DNAH14: variants seen among roughly 807,000 people sequenced by gnomAD.
The protein encoded by DNAH14 is dynein axonemal heavy chain 14.
DNAH14 carries 478 observed loss-of-function variants against 520.9 expected under a neutral mutation model. The ratio of observed to expected loss-of-function variants is 0.92; its 90% CI spans 0.85 to 0.99. The LOEUF is 0.99. Among genes scored for constraint, DNAH14 ranks in the 50% least tolerant of loss-of-function variants. The probability of loss-of-function intolerance (pLI) is 0.00; values close to 1 mark genes in which losing one functional copy is unlikely to be tolerated. For synonymous variants in DNAH14, 1,581 were observed against 1,757.2 expected, an observed-to-expected ratio of 0.90 and a Z score of 2.51; for missense variants, 4,831 against 5,234.5, an observed-to-expected ratio of 0.92 and a Z score of 2.38.
At chr1:225,180,991 T>A (rs2083923322) in intron 36 of DNAH14, among the ~76,000 whole-genome samples, 1 of 152,164 alleles carries the variant, frequency 6.6e-6, no homozygotes, top group Non-Finnish European at 1.5e-5. Context: ...CCTCCCTCCT[T>A]CTGGAGTCCC....
intron 43 of DNAH14, among the ~76,000 whole-genome samples, chr1:225,251,606 G>C (rs1353963523): frequency 2.6e-5 from 4 of 152,060 alleles, no homozygotes; most frequent in Non-Finnish European, 5.9e-5. Flanking sequence ...TTGCTCTGAA[G>C]AACTTACCAT....
Position 225,340,679 on chromosome 1 carries a change from A to G in DNAH14, c.10656A>G (p.Leu3552=). The part of the protein sequence containing the change: ...ITLEELEEKT[L]NLLQKALGSI... ...TTGAAGAACTAGAGGAAAAAACATT[A>G]AATTTACTGCAGAAAGCACTAGGTA... Residue 3552 remains leucine, a synonymous_variant, in exon 69 of 86, where the codon TTA becomes TTG. Transcript: ENST00000682510. 3.9e-6 allele frequency: 6 copies of G among 1,551,360 alleles called. No individual in the cohort carries two copies. The highest frequency in any genetic ancestry group is 5.2e-6 in the Non-Finnish European group (6 of 1,146,832).
chr1:224,985,531 A>G (rs191437761), intron 8 of DNAH14, among the ~76,000 whole-genome samples: 7 of 151,936 alleles, frequency 4.6e-5, no homozygotes, highest in African/African-American at 9.7e-5. Context: ...TGCTCAGGCA[A>G]TGGGTGCACC....
At chr1:225,256,528 T>C (rs1157642978) in intron 44 of DNAH14, among the ~76,000 whole-genome samples, 1 of 151,876 alleles carries the variant, frequency 6.6e-6, no homozygotes, top group Non-Finnish European at 1.5e-5. Flanking sequence ...TATGCAAAAA[T>C]CAATATGAAG....
intron 74 of DNAH14, among the ~76,000 whole-genome samples, chr1:225,359,452 T>C (rs2095469338): frequency 6.6e-6 from 1 of 152,146 alleles, no homozygotes; most frequent in Non-Finnish European, 1.5e-5. Flanking sequence ...AAATGCTTTT[T>C]TTTGTTTTTC....
intron 17 of DNAH14, among the ~76,000 whole-genome samples, chr1:225,061,592 C>T (rs1018813741): frequency 2.0e-5 from 3 of 152,218 alleles, no homozygotes; most frequent in Middle Eastern, 3.2e-3. Flanking sequence ...AATCACCCAT[C>T]TTCTGCGTCG....
chr1:225,341,905 C>T lies in DNAH14; in HGVS notation c.10678+1204C>T, dbSNP rs190447262. ...CTGGAACTTGAAGGTTTCTCAAACA[C>T]TTTAGTCCTCAAGAGTATGTATAGA... is the stretch of plus-strand genomic sequence containing the variant. On this transcript the variant is annotated intron_variant, in intron 69 of 85. Coordinates refer to ENST00000682510, the MANE Select transcript of DNAH14 (RefSeq NM_001367479.1). 3.5e-3 allele frequency among the ~76,000 whole-genome samples: 538 copies of T among 152,272 alleles called. 3 individuals are homozygous for T. Among genetic ancestry groups the T allele is most frequent in the African/African-American group, 0.013 (526 of 41,538 alleles).
At chr1:225,115,574 A>G (rs2076807941) in intron 23 of DNAH14, among the ~76,000 whole-genome samples, 1 of 152,186 alleles carries the variant, frequency 6.6e-6, no homozygotes, top group Non-Finnish European at 1.5e-5. Flanking sequence ...AACTATAGGC[A>G]ATCACAGCCT....
chr1:225,090,256 A>G (rs927230189), intron 21 of DNAH14, among the ~76,000 whole-genome samples: 1 of 152,128 alleles, frequency 6.6e-6, no homozygotes, highest in African/African-American at 2.4e-5. Context: ...AGACTTAAAA[A>G]ATGGAAGATA....
chr1:225,237,822 C>T (rs912160874), intron 42 of DNAH14, among the ~76,000 whole-genome samples: 5 of 151,982 alleles, frequency 3.3e-5, no homozygotes, highest in South Asian at 2.1e-4. Context: ...CATTCTTTTT[C>T]GCCTGTCTTA....
rs1182497655 is a variant in DNAH14, at chr1:225,207,076, A to T, written c.6295A>T (p.Ser2099Cys). Residue 2099 changes from serine to cysteine, a missense_variant, in exon 41 of 86, where the codon AGT (serine) becomes TGT (cysteine). Physicochemically the swap from Ser to Cys is moderately radical, Grantham distance 112 (BLOSUM62 -1). Coordinates refer to ENST00000682510, the MANE Select transcript of DNAH14 (RefSeq NM_001367479.1). Reference sequence around the variant, plus strand: ...TTGTCTTGAATTCATGATTAAAAATAGTGTCACAGACGGACTACAATTTAT... The same window carrying T: ...TTGTCTTGAATTCATGATTAAAAATTGTGTCACAGACGGACTACAATTTAT... ...VDCLEFMIKN[S>C]VTDGLQFIRN... 6.4e-6 allele frequency: 10 copies of T among 1,550,800 alleles called. 1 individual carries two copies. The South Asian group carries it at 1.2e-4, about 18-fold the overall frequency.
chr1:225,338,116 A>G lies in DNAH14; in HGVS notation c.10367A>G (p.Tyr3456Cys), dbSNP rs776886436. 1 of 1,551,640 alleles carries G rather than the reference A, an allele frequency of 6.4e-7. No individual in the cohort carries two copies. The highest frequency in any genetic ancestry group is 1.2e-5 in the South Asian group (1 of 83,972). Residue 3456 changes from tyrosine (Y) to cysteine (C), a missense_variant, in exon 68 of 86, where the codon TAT (tyrosine) becomes TGT (cysteine). Transcript: ENST00000682510. Reference sequence around the variant, plus strand: ...AAGGCAATTCTGAAAAAGGATATCTATCAGAAAAAAGGACACTATTTCATA... The same window carrying G: ...AAGGCAATTCTGAAAAAGGATATCTGTCAGAAAAAAGGACACTATTTCATA... ...GLKAILKKDI[Y>C]QKKGHYFIRV...
intron 11 of DNAH14, among the ~76,000 whole-genome samples, chr1:225,032,235 T>G (rs2066584549): frequency 6.6e-6 from 1 of 152,012 alleles, no homozygotes; most frequent in African/African-American, 2.4e-5. Context: ...TCCTTCTACC[T>G]TCCTGGCTCA....
chr1:225,058,166 T>C (rs1163661868), intron 17 of DNAH14, among the ~76,000 whole-genome samples: 1 of 152,116 alleles, frequency 6.6e-6, no homozygotes, highest in African/African-American at 2.4e-5. Flanking sequence ...GTCCTGGACT[T>C]TTTTTGGTTG....
chr1:225,359,259 A>G (rs1174015988), intron 74 of DNAH14, among the ~76,000 whole-genome samples: 1 of 152,214 alleles, frequency 6.6e-6, no homozygotes, highest in Non-Finnish European at 1.5e-5. Flanking sequence ...AAAATTTATC[A>G]ATGGTGATTT....
At chr1:225,271,218 A>C (rs1254648150) in intron 50 of DNAH14, among the ~76,000 whole-genome samples, 2 of 152,138 alleles carry the variant, frequency 1.3e-5, no homozygotes, top group Non-Finnish European at 2.9e-5. Flanking sequence ...TCATTTTCTT[A>C]TGGAATAAAA....
chr1:225,194,455 G>T (rs2085865452), intron 38 of DNAH14, among the ~76,000 whole-genome samples: 1 of 151,534 alleles, frequency 6.6e-6, no homozygotes, highest in South Asian at 2.1e-4. Context: ...TTCAATACAT[G>T]ATGTTGGGAT....
At chr1:225,301,533 A>G (rs2094139279) in intron 56 of DNAH14, among the ~76,000 whole-genome samples, 2 of 152,224 alleles carry the variant, frequency 1.3e-5, no homozygotes, top group Non-Finnish European at 2.9e-5. Flanking sequence ...CTGTGAACAA[A>G]CTGGTTTGAT....
intron 64 of DNAH14, among the ~76,000 whole-genome samples, chr1:225,329,585 T>G (rs80234693): frequency 0.013 from 1,946 of 152,200 alleles, 43 homozygotes; most frequent in African/African-American, 0.045. Context: ...CAATAAATGG[T>G]GCTGGATATC....
Sources: gnomAD v4.1 joint callset for allele counts (sites outside exome capture counted in the v4.1 genomes callset) on GRCh38, gnomAD v4.1.1 for gene constraint, MANE v1.5 for transcripts, NCBI Gene and HGNC (gene_info 2026-07-23, HGNC 2026-07-21) for gene names.